The following FAM200B variants were observed in gnomAD, a reference collection of about 807,000 sequenced individuals.
FAM200B encodes protein FAM200B.
FAM200B carries 32 observed loss-of-function variants against 33.1 expected under a neutral mutation model. The observed-to-expected ratio is 0.97, with a 90% CI of 0.73 to 1.30. The LOEUF (loss-of-function observed/expected upper bound fraction) is 1.30, where lower values mean the gene tolerates loss of function less well. Ranked by LOEUF, FAM200B falls within the 50% of genes most tolerant of loss-of-function variation. FAM200B has a pLI of 0.00. For missense variants in FAM200B, 741 were observed against 754.0 expected (o/e 0.98, Z 0.20); for synonymous variants, 240 against 264.8 (o/e 0.91, Z 0.91).
chr4:15,641,712 T>C, the FAM200B span: 3 of 424,778 alleles, frequency 7.1e-6, no homozygotes, highest in South Asian at 1.7e-5. Context: ...CCCCATGTTG[T>C]TCAAGGGTCA....
the FAM200B span, among the ~76,000 whole-genome samples, chr4:15,659,447 T>C: frequency 6.6e-6 from 1 of 152,220 alleles, no homozygotes; most frequent in African/African-American, 2.4e-5. Context: ...AACTGGGTAC[T>C]GGGTAAGATT....
At chr4:15,674,204 G>GT in the FAM200B span, among the ~76,000 whole-genome samples, 35,249 of 140,168 alleles carry the variant, frequency 0.25, 4,406 homozygotes, top group African/African-American at 0.29. Context: ...AATGCATCGT[G>GT]TTTTTTTTTT....
the FAM200B span, among the ~76,000 whole-genome samples, chr4:15,654,312 T>C: frequency 6.6e-6 from 1 of 152,204 alleles, no homozygotes; most frequent in Non-Finnish European, 1.5e-5. Context: ...TCCATGACTT[T>C]CCCCAACATA....
chr4:15,638,380 A>T, the FAM200B span: 1 of 497,304 alleles, frequency 2.0e-6, no homozygotes, highest in Non-Finnish European at 3.4e-6. Flanking sequence ...ACATGAAAAT[A>T]ATGCCTTTAA....
At chr4:15,668,562 C>A in the FAM200B span, among the ~76,000 whole-genome samples, 1 of 150,446 alleles carries the variant, frequency 6.6e-6, no homozygotes. Context: ...AAGTCACATT[C>A]TAAAAAGAAA....
the FAM200B span, among the ~76,000 whole-genome samples, chr4:15,643,366 C>T: frequency 7.2e-5 from 11 of 152,216 alleles, no homozygotes; most frequent in Non-Finnish European, 1.3e-4. Flanking sequence ...TAAGCTTACG[C>T]TTCACCAAGC....
the FAM200B span, among the ~76,000 whole-genome samples, chr4:15,664,793 A>T: frequency 6.6e-6 from 1 of 152,004 alleles, no homozygotes; most frequent in Non-Finnish European, 1.5e-5. Flanking sequence ...TCCTGACCTC[A>T]GGTGATCTGC....
the FAM200B span, among the ~76,000 whole-genome samples, chr4:15,658,629 A>G: frequency 6.6e-6 from 1 of 152,188 alleles, no homozygotes; most frequent in South Asian, 2.1e-4. Context: ...ACCAGAAAAA[A>G]GGCCCTCATC....
chr4:15,664,479 T>C, the FAM200B span, among the ~76,000 whole-genome samples: 3 of 151,118 alleles, frequency 2.0e-5, no homozygotes, highest in Non-Finnish European at 4.4e-5. Flanking sequence ...ACCTCACTTA[T>C]AAAGTTAAAT....
At chr4:15,665,443 C>T in the FAM200B span, among the ~76,000 whole-genome samples, 1 of 152,122 alleles carries the variant, frequency 6.6e-6, no homozygotes, top group African/African-American at 2.4e-5. Context: ...GATGGTCTAC[C>T]TTGCAGGAAT....
At chr4:15,659,797 T>G in the FAM200B span, 1 of 911,828 alleles carries the variant, frequency 1.1e-6, no homozygotes, top group Non-Finnish European at 1.3e-6. Flanking sequence ...CCAGAGGCTC[T>G]ATTATGGGCT....
At chr4:15,650,038 C>G in the FAM200B span, among the ~76,000 whole-genome samples, 1 of 152,264 alleles carries the variant, frequency 6.6e-6, no homozygotes. Context: ...AGCAACAGCT[C>G]TCACCAAGGC....
At chr4:15,665,997 T>G in the FAM200B span, among the ~76,000 whole-genome samples, 1 of 151,000 alleles carries the variant, frequency 6.6e-6, no homozygotes, top group Non-Finnish European at 1.5e-5. Context: ...CAGAATTGCC[T>G]CAATTTCCTA....
the FAM200B span, among the ~76,000 whole-genome samples, chr4:15,645,645 T>C: frequency 6.6e-6 from 1 of 152,098 alleles, no homozygotes; most frequent in Non-Finnish European, 1.5e-5. Context: ...GCCAGGCTGG[T>C]CTTGAACTCC....
chr4:15,663,413 G>GT, the FAM200B span, among the ~76,000 whole-genome samples: 1 of 152,182 alleles, frequency 6.6e-6, no homozygotes, highest in South Asian at 2.1e-4. Flanking sequence ...TTTCAAAATG[G>GT]TTTGACCTGT....
At chr4:15,678,073 C>T (rs1033752149), upstream of FAM200B, among the ~76,000 whole-genome samples, 1 of 152,146 alleles carries the variant, frequency 6.6e-6, no homozygotes, top group Admixed American at 6.5e-5. Context: ...TTCATACATA[C>T]TTTCTTTTCT....
the FAM200B span, among the ~76,000 whole-genome samples, chr4:15,662,677 A>G: frequency 6.6e-6 from 1 of 152,226 alleles, no homozygotes; most frequent in African/African-American, 2.4e-5. Context: ...TGTTTTTTTC[A>G]ATATCATTCT....
At chr4:15,640,892 CA>C in the FAM200B span, 14,600 of 1,172,240 alleles carry the variant, frequency 0.012, no homozygotes, top group South Asian at 0.019. Context: ...TTCTGGAAAC[CA>C]AAAAAAAAAT....
In FAM200B at chr4:15,687,472, A is replaced by C. The variant is rs1718974430; in HGVS notation, c.495A>C (p.Thr165=). The change falls in exon 2 of 2, where the codon ACA becomes ACC. Residue 165 remains threonine (T), a synonymous_variant. Coordinates refer to ENST00000422728, the MANE Select transcript of FAM200B (RefSeq NM_001145191.2). ...TGGCAAAAGAGAAAATAGCTAACAC[A>C]GCTGCTGAAAAAATTATTCTTCCAG... ...YRVAKEKIAN[T]AAEKIILPAC... is the part of the protein sequence containing the mutation. 1 of 1,551,102 alleles carries C rather than the reference A, an allele frequency of 6.4e-7. No individual in the cohort carries two copies. Among genetic ancestry groups the C allele is most frequent in the African/African-American group, 1.4e-5 (1 of 73,046 alleles).
Sources: gnomAD v4.1 joint callset for allele counts (sites outside exome capture counted in the v4.1 genomes callset) on GRCh38, gnomAD v4.1.1 for gene constraint, MANE v1.5 for transcripts, NCBI Gene and HGNC (gene_info 2026-07-23, HGNC 2026-07-21) for gene names.